The following CNR2 variants were observed in gnomAD, a reference collection of about 807,000 sequenced individuals.
CNR2 encodes the protein cannabinoid receptor 2, also known as cannabinoid receptor 2 (macrophage).
For missense variants in CNR2, 379 were observed against 439.9 expected, an observed-to-expected ratio of 0.86 and a Z score of 1.24; for synonymous variants, 172 against 182.2, an observed-to-expected ratio of 0.94 and a Z score of 0.45.
At chr1:23,885,643 G>A (rs71514242) in intron 1 of CNR2, among the ~76,000 whole-genome samples, 109,698 of 150,784 alleles carry the variant, frequency 0.73, 40,582 homozygotes, top group Middle Eastern at 0.81. Flanking sequence ...ACTCTGGGAG[G>A]CTGAAGCAGG....
rs71026701 is a variant in CNR2 at position 23,898,641 on chromosome 1, ATTTTTTTTTTTTTTTT to A, written c.-46+14589_-46+14604del. Among the ~76,000 whole-genome samples the A allele has an allele frequency of 7.9e-5, 2 of 25,298 alleles. 1 individual carries two copies. Among genetic ancestry groups the A allele is most frequent in the South Asian group, 6.6e-3 (2 of 302 alleles). The allele number at this position is 25,298 out of a possible 152,430, so 16.6% of individuals were successfully genotyped here. A position where few individuals can be genotyped will look rare whatever the true frequency, so the allele number is the denominator to read the frequency against. On this transcript the variant is annotated intron_variant, in intron 1 of 1. Coordinates refer to ENST00000374472, the MANE Select transcript of CNR2 (RefSeq NM_001841.3). ...AGGCTTGAGCCACCACGCCTGGCCA[ATTTTTTTTTTTTTTTT>A]TTTTTTTTTTTTTGAGACAAAGTCT...
rs574395621 is a variant in CNR2, at chr1:23,871,686, G to A, written c.*2849C>T. The A allele has an allele frequency of 6.6e-6, 1 of 152,322 alleles. No homozygotes were observed. Among genetic ancestry groups the A allele is most frequent in the South Asian group, 2.1e-4 (1 of 4,824 alleles). 9.4% of individuals were successfully genotyped at this position (152,322 alleles called of 1,614,324 possible). The stretch of plus-strand genomic sequence containing the variant: ...TTTGTTCCTGGGTCTGTACTGAGTT[G>A]AATAGTGTCCGCCTAAACTTCTTGT... On this transcript the variant is annotated 3_prime_UTR_variant, in exon 2 of 2. Transcript: ENST00000374472.
chr1:23,885,149 C>T (rs923093228), intron 1 of CNR2, among the ~76,000 whole-genome samples: 6 of 151,840 alleles, frequency 4.0e-5, no homozygotes, highest in East Asian at 1.9e-4. Context: ...CCAGTAATCA[C>T]GGAGTTCTGG....
At chr1:23,885,682 A>G (rs1640075946) in intron 1 of CNR2, among the ~76,000 whole-genome samples, 1 of 151,370 alleles carries the variant, frequency 6.6e-6, no homozygotes, top group South Asian at 2.1e-4. Context: ...GTTTGAGACC[A>G]GCTCAGCCAA....
chr1:23,906,542 C>CTTTTTTTTTT (rs1454905989), intron 1 of CNR2, among the ~76,000 whole-genome samples: 1 of 47,608 alleles, frequency 2.1e-5, no homozygotes, highest in African/African-American at 4.9e-5. Context: ...TCTTTTTTTT[C>CTTTTTTTTTT]TTTCTTTTTT....
intron 1 of CNR2, among the ~76,000 whole-genome samples, chr1:23,903,662 A>G (rs769522379): frequency 2.6e-5 from 4 of 152,080 alleles, no homozygotes; most frequent in South Asian, 2.1e-4. Flanking sequence ...TGCTCCTCAT[A>G]GTATCTGTGA....
chr1:23,875,860 G>A (rs1639866112), intron 1 of CNR2, among the ~76,000 whole-genome samples, 198 bp from the exon 2 acceptor site: 1 of 151,982 alleles, frequency 6.6e-6, no homozygotes, highest in African/African-American at 2.4e-5. Flanking sequence ...TGCCTCAGGG[G>A]AGGTACGTGG....
chr1:23,876,834 CAAAAA>C (rs72220399), intron 1 of CNR2, among the ~76,000 whole-genome samples: 75,635 of 120,190 alleles, frequency 0.63, 21,940 homozygotes, highest in African/African-American at 0.75. Context: ...GACTCTGTCT[CAAAAA>C]AAAAAAAAAA....
intron 1 of CNR2, among the ~76,000 whole-genome samples, chr1:23,908,217 G>A (rs930630858): frequency 6.6e-6 from 1 of 152,014 alleles, no homozygotes; most frequent in African/African-American, 2.4e-5. Context: ...CTGACCTCAT[G>A]ATCTGCCCAC....
intron 1 of CNR2, among the ~76,000 whole-genome samples, chr1:23,896,919 C>T (rs1223453503): frequency 6.8e-6 from 1 of 147,906 alleles, no homozygotes; most frequent in Admixed American, 6.8e-5. Flanking sequence ...TGCTCTGTCA[C>T]CTAGGCTGGA....
chr1:23,911,418 C>A (rs895262710), intron 1 of CNR2, among the ~76,000 whole-genome samples: 3 of 152,080 alleles, frequency 2.0e-5, no homozygotes, highest in Non-Finnish European at 4.4e-5. Context: ...CAATCAAGTC[C>A]ATTTGGGCAA....
At chr1:23,901,821 T>C in intron 1 of CNR2, 1 of 1,604,796 alleles carries the variant, frequency 6.2e-7, no homozygotes. Context: ...AGCCCCGCAA[T>C]AAATACCCTT....
intron 1 of CNR2, among the ~76,000 whole-genome samples, chr1:23,899,840 A>T (rs1640357680): frequency 1.2e-5 from 1 of 84,672 alleles, no homozygotes; most frequent in African/African-American, 4.2e-5. Flanking sequence ...AAAAAAAAGA[A>T]AGAAAAGAAA....
intron 1 of CNR2, among the ~76,000 whole-genome samples, chr1:23,899,100 C>A (rs896538948): frequency 6.6e-6 from 1 of 152,082 alleles, no homozygotes; most frequent in African/African-American, 2.4e-5. Context: ...CAAAGAAATG[C>A]GCTGTCTCCT....
chr1:23,896,762 C>T (rs1027052041), intron 1 of CNR2, among the ~76,000 whole-genome samples: 6 of 152,120 alleles, frequency 3.9e-5, no homozygotes, highest in South Asian at 2.1e-4. Context: ...GCCGTCATGA[C>T]GAGAGCCCTG....
At chr1:23,881,147 G>T (rs996308015) in intron 1 of CNR2, among the ~76,000 whole-genome samples, 1 of 151,452 alleles carries the variant, frequency 6.6e-6, no homozygotes, top group African/African-American at 2.4e-5. Context: ...ATGGTGGCAG[G>T]CACCTGTAAT....
chr1:23,877,053 T>C (rs1570700405), intron 1 of CNR2, among the ~76,000 whole-genome samples: 1 of 152,192 alleles, frequency 6.6e-6, no homozygotes, highest in East Asian at 1.9e-4. Flanking sequence ...GAGTTCACAA[T>C]GCAAAATGCA....
At chr1:23,909,738 A>G (rs796617512) in intron 1 of CNR2, among the ~76,000 whole-genome samples, 8 of 152,228 alleles carry the variant, frequency 5.3e-5, no homozygotes, top group African/African-American at 1.7e-4. Context: ...CGGGTTGTCC[A>G]TGTGATGGCA....
In CNR2 at chr1:23,875,193, T is replaced by C. The variant is rs201510809; in HGVS notation, c.425A>G (p.Lys142Arg). ...YLCLRYPPSY[K>R]ALLTRGRALV... ...TGCCCTTCCACGGGTGAGCAGAGCT[T>C]TGTAGGAAGGTGGATAGCGCAGGCA... The change falls in exon 2 of 2, where the codon AAA becomes AGA. Residue 142 changes from lysine to arginine, a missense_variant. Physicochemically the swap from Lys to Arg is conservative, Grantham distance 26. Transcript: ENST00000374472. The C allele has an allele frequency of 1.9e-5, 31 of 1,613,826 alleles. No homozygotes were observed. Among genetic ancestry groups the C allele is most frequent in the Non-Finnish European group, 2.5e-5 (29 of 1,179,918 alleles).
Sources: gnomAD v4.1 joint callset for allele counts (sites outside exome capture counted in the v4.1 genomes callset) on GRCh38, gnomAD v4.1.1 for gene constraint, MANE v1.5 for transcripts, NCBI Gene and HGNC (gene_info 2026-07-23, HGNC 2026-07-21) for gene names.